Variants in LRRC75A observed in about 807,000 individuals in gnomAD.
LRRC75A encodes the protein leucine-rich repeat-containing protein 75A.
Under a neutral mutation model 26.0 loss-of-function variants are expected in LRRC75A, and 12 were observed. That is an observed-to-expected ratio of 0.46 (90% CI 0.30 to 0.75). LRRC75A has a LOEUF of 0.75. Among genes scored for constraint, LRRC75A ranks in the 30% least tolerant of loss-of-function variants. The pLI is 0.08. For missense variants in LRRC75A, 410 were observed against 486.6 expected (o/e 0.84, Z 1.48); for synonymous variants, 223 against 219.3 (o/e 1.02, Z -0.15).
In LRRC75A at chr17:16,443,459, T is replaced by G. The variant is rs1409693041; in HGVS notation, c.*129A>C. 1.3e-6 allele frequency: 1 copy of G among 788,022 alleles called. No homozygotes were observed. Among genetic ancestry groups the G allele is most frequent in the Non-Finnish European group, 1.9e-6 (1 of 515,774 alleles). 48.8% of individuals were successfully genotyped at this position (788,022 alleles called of 1,614,324 possible). A position where few individuals can be genotyped will look rare whatever the true frequency, so the allele number is the denominator to read the frequency against. On this transcript the variant is annotated 3_prime_UTR_variant, in exon 4 of 4. Coordinates refer to ENST00000470794, the MANE Select transcript of LRRC75A (RefSeq NM_001113567.3). ...CCCCAGATGATATGGTTTGCCTTTC[T>G]GTAGGTGGGTGGCCCAGGCCAATTT... is the stretch of plus-strand genomic sequence containing the variant.
intron 1 of LRRC75A, among the ~76,000 whole-genome samples, chr17:16,475,186 T>C (rs926715046): frequency 1.3e-5 from 2 of 151,982 alleles, no homozygotes; most frequent in African/African-American, 4.8e-5. Flanking sequence ...GGTTGTCTCA[T>C]ACAGTGAGCT....
intron 1 of LRRC75A, among the ~76,000 whole-genome samples, chr17:16,475,788 T>C (rs891523452): frequency 6.6e-6 from 1 of 152,152 alleles, no homozygotes; most frequent in African/African-American, 2.4e-5. Flanking sequence ...GATTCACGAC[T>C]ATAATCCCAG....
chr17:16,474,357 C>T (rs1384408006), intron 1 of LRRC75A, among the ~76,000 whole-genome samples: 1 of 152,230 alleles, frequency 6.6e-6, no homozygotes, highest in East Asian at 1.9e-4. Flanking sequence ...AACAAATAAC[C>T]ATTTTCCTTT....
At chr17:16,480,616 C>T (rs959623189) in intron 1 of LRRC75A, among the ~76,000 whole-genome samples, 39 of 134,224 alleles carry the variant, frequency 2.9e-4, no homozygotes, top group Admixed American at 3.3e-4. Context: ...GCAACAAGAG[C>T]GAGACTTCGT....
chr17:16,443,760 C>T lies in LRRC75A; in HGVS notation c.863G>A (p.Arg288His), dbSNP rs746850666. 4 of 1,613,776 alleles carry T rather than the reference C, an allele frequency of 2.5e-6. No homozygotes were observed. The highest frequency in any genetic ancestry group is 2.2e-5 in the East Asian group (1 of 44,872). ...PQPFLLSLRK[R>H]SPKQGHLPTI... ...GGGTAGGTGGCCCTGCTTTGGGGAGCGCTTGCGCAGGCTGAGCAGGAAGGG... is the reference window on the plus strand; with the variant it reads ...GGGTAGGTGGCCCTGCTTTGGGGAGTGCTTGCGCAGGCTGAGCAGGAAGGG... Residue 288 changes from arginine to histidine, a missense_variant, in exon 4 of 4, where the codon CGC becomes CAC. Transcript: ENST00000470794.
chr17:16,473,206 T>C (rs1313615306), intron 1 of LRRC75A, among the ~76,000 whole-genome samples: 3 of 152,016 alleles, frequency 2.0e-5, no homozygotes, highest in Non-Finnish European at 4.4e-5. Context: ...GTGGGCACCC[T>C]GCAGAGTCCA....
In LRRC75A at chr17:16,456,372, AGAG is replaced by A. The variant is rs1275094148; in HGVS notation, c.375+5883_375+5885del. Reference sequence around the variant, plus strand: ...AGGAAGAGGAGGAGGAAGAGAAGGAAGAGGAGGAGGAAGAGAAGAAGGAAAAGG... The same window carrying A: ...AGGAAGAGGAGGAGGAAGAGAAGGAAGAGGAGGAAGAGAAGAAGGAAAAGG... On this transcript the variant is annotated intron_variant, in intron 2 of 3. Transcript: ENST00000470794. 5.8e-5 allele frequency among the ~76,000 whole-genome samples: 7 copies of A among 119,960 alleles called. No individual in the cohort carries two copies. In the East Asian group the frequency reaches 1.2e-3, roughly 20 times the overall value. The allele number at this position is 119,960 out of a possible 152,430, so 78.7% of individuals were successfully genotyped here.
chr17:16,488,686 T>C (rs1433340083), intron 1 of LRRC75A, among the ~76,000 whole-genome samples: 1 of 152,164 alleles, frequency 6.6e-6, no homozygotes, highest in Non-Finnish European at 1.5e-5. Flanking sequence ...AGATTACACT[T>C]ATCTTAAAGG....
chr17:16,484,775 GA>G (rs766433937), intron 1 of LRRC75A, among the ~76,000 whole-genome samples: 1 of 152,138 alleles, frequency 6.6e-6, no homozygotes, highest in Non-Finnish European at 1.5e-5. Flanking sequence ...GAGCAGGAGC[GA>G]GGGGCAGCTC....
At chr17:16,447,787 G>A (rs2093598398) in intron 3 of LRRC75A, 58 bp downstream of exon 3, 1 of 1,305,312 alleles carries the variant, frequency 7.7e-7, no homozygotes, top group Non-Finnish European at 1.0e-6. Flanking sequence ...CCCTGGGAGG[G>A]GTGCCCTGTA....
In LRRC75A at chr17:16,442,791, T is replaced by C. The variant is rs1258831969; in HGVS notation, c.*797A>G. On this transcript the variant is annotated 3_prime_UTR_variant, in exon 4 of 4. Transcript: ENST00000470794. Reference sequence around the variant, plus strand: ...CAAGAAGGAAGCCAGGTTTGTCACTTACCCTGCATGCTAAGGACATCAGAG... The same window carrying C: ...CAAGAAGGAAGCCAGGTTTGTCACTCACCCTGCATGCTAAGGACATCAGAG... The C allele has an allele frequency of 6.6e-6, 1 of 152,244 alleles. No individual in the cohort carries two copies. The highest frequency in any genetic ancestry group is 2.4e-5 in the African/African-American group (1 of 41,456). The allele number at this position is 152,244 out of a possible 1,614,324, so 9.4% of individuals were successfully genotyped here.
chr17:16,477,008 G>T (rs551037453), intron 1 of LRRC75A, among the ~76,000 whole-genome samples: 1 of 152,008 alleles, frequency 6.6e-6, no homozygotes, highest in South Asian at 2.1e-4. Flanking sequence ...AAAGTGCTGG[G>T]ATTACAGGCG....
Position 16,491,879 on chromosome 17 carries a change from C to G in LRRC75A, c.112G>C (p.Gly38Arg), listed in dbSNP as rs1297017695. ...GCGCCCGCGCGCCCCGCCTTGTCCCCGGCGCGCAGCAGCAGCGACGCCCAG... is the reference window on the plus strand; with the variant it reads ...GCGCCCGCGCGCCCCGCCTTGTCCCGGGCGCGCAGCAGCAGCGACGCCCAG... The part of the protein sequence containing the change: ...DFWASLLLRA[G>R]DKAGRAGAGM... The change falls in exon 1 of 4, where the codon GGG becomes CGG. Residue 38 changes from glycine (G) to arginine (R), a missense_variant. Gly to Arg is a moderately radical substitution (Grantham distance 125). Coordinates refer to ENST00000470794, the MANE Select transcript of LRRC75A (RefSeq NM_001113567.3). This position sits in a 1 kb window ranked among gnomAD's most constrained non-coding sequence, Gnocchi z 5.9. 1.5e-6 allele frequency: 2 copies of G among 1,364,194 alleles called. No homozygotes were observed. Among genetic ancestry groups the G allele is most frequent in the South Asian group, 1.6e-5 (1 of 62,280 alleles). 84.5% of individuals were successfully genotyped at this position (1,364,194 alleles called of 1,614,324 possible). A position where few individuals can be genotyped will look rare whatever the true frequency, so the allele number is the denominator to read the frequency against.
At chr17:16,473,158 C>T (rs73980142) in intron 1 of LRRC75A, among the ~76,000 whole-genome samples, 1,615 of 151,896 alleles carry the variant, frequency 0.011, 31 homozygotes, top group African/African-American at 0.037. Flanking sequence ...TGTGCGCGCG[C>T]GCCCCAAGAA....
Position 16,491,651 on chromosome 17 carries a change from G to GC in LRRC75A, c.246+93dup. 1.0e-6 allele frequency: 1 copy of GC among 960,408 alleles called. No individual in the cohort carries two copies. The highest frequency in any genetic ancestry group is 1.3e-6 in the Non-Finnish European group (1 of 746,554). The allele number at this position is 960,408 out of a possible 1,614,324, so 59.5% of individuals were successfully genotyped here. ...GGGCCCCTGGGCGGTGCCCCTCGGT[G>GC]CCCCCGGCTTCCTCGGTTAGGGATG... On this transcript the variant is annotated intron_variant, in intron 1 of 3. Coordinates refer to ENST00000470794, the MANE Select transcript of LRRC75A (RefSeq NM_001113567.3). This position sits in a 1 kb window ranked among gnomAD's most constrained non-coding sequence, Gnocchi z 5.9.
chr17:16,458,304 C>T (rs564150133), intron 2 of LRRC75A, among the ~76,000 whole-genome samples: 1 of 151,616 alleles, frequency 6.6e-6, no homozygotes, highest in South Asian at 2.1e-4. Context: ...GAGACTCTGT[C>T]AAAAGAAAGA....
intron 3 of LRRC75A, among the ~76,000 whole-genome samples, chr17:16,446,054 G>A (rs954702571): frequency 6.6e-6 from 1 of 152,186 alleles, no homozygotes; most frequent in Non-Finnish European, 1.5e-5. Flanking sequence ...GATTACAGGC[G>A]TGCAACATCA....
chr17:16,490,446 G>A (rs1036054981), intron 1 of LRRC75A, among the ~76,000 whole-genome samples: 2 of 152,310 alleles, frequency 1.3e-5, no homozygotes, highest in Non-Finnish European at 1.5e-5. Context: ...AAGGCACATG[G>A]GGATCCAGCA....
intron 1 of LRRC75A, among the ~76,000 whole-genome samples, chr17:16,471,985 G>A (rs2093807807): frequency 6.6e-6 from 1 of 152,170 alleles, no homozygotes; most frequent in East Asian, 1.9e-4. Flanking sequence ...GGAGATGGAA[G>A]GTGGTAATGG....
Sources: gnomAD v4.1 joint callset for allele counts (sites outside exome capture counted in the v4.1 genomes callset) on GRCh38, gnomAD v4.1.1 for gene constraint, Gnocchi (gnomAD v3.1) non-coding constraint, MANE v1.5 for transcripts, NCBI Gene and HGNC (gene_info 2026-07-23, HGNC 2026-07-21) for gene names.